TKT: variants seen among roughly 807,000 people sequenced by gnomAD.
The protein encoded by TKT is epididymis luminal protein 107.
A neutral mutation model predicts 63.9 loss-of-function variants in TKT; 47 were observed. That is an observed-to-expected ratio of 0.74 (90% confidence interval 0.58 to 0.94). The LOEUF is 0.94. Ranked by LOEUF, TKT falls within the 40% of genes least tolerant of loss-of-function variation. The pLI is 0.00. For missense variants in TKT, 721 were observed against 846.2 expected (o/e 0.85, Z 1.84); for synonymous variants, 338 against 334.1 (o/e 1.01, Z -0.13).
At chr3:53,238,388 G>T (rs1705128606) in intron 4 of TKT, among the ~76,000 whole-genome samples, 1 of 152,184 alleles carries the variant, frequency 6.6e-6, no homozygotes, top group Non-Finnish European at 1.5e-5. Context: ...CTGCCCCAAG[G>T]CTCACCAAGG....
chr3:53,245,591 C>T (rs566957460), intron 1 of TKT, among the ~76,000 whole-genome samples: 98 of 152,276 alleles, frequency 6.4e-4, no homozygotes, highest in African/African-American at 2.3e-3. Context: ...CAAAGACCAG[C>T]CTGGCCAACA....
chr3:53,225,739 CACACTTCATACCCGCCCT>C lies in TKT; in HGVS notation c.1871_*16del. The C allele has an allele frequency of 2.5e-6, 4 of 1,596,436 alleles. No individual in the cohort carries two copies. The highest frequency in any genetic ancestry group is 3.4e-6 in the Non-Finnish European group (4 of 1,168,134). On this transcript the variant is annotated stop_lost and 3_prime_UTR_variant, in exon 14 of 14. Transcript: ENST00000462138. ...CTCAGGAATGTATAGACCCCCGCCC[CACACTTCATACCCGCCCT>C]AGGCCTTGGTGATGAGGCCCCTCAC...
chr3:53,231,253 G>A, intron 7 of TKT, 104 bp downstream of exon 7: 1 of 1,314,194 alleles, frequency 7.6e-7, no homozygotes, highest in East Asian at 2.3e-5. Flanking sequence ...CGCCCTAAAT[G>A]AATCGCTCTC....
At chr3:53,252,457 C>G (rs997730310) in intron 1 of TKT, among the ~76,000 whole-genome samples, 1 of 152,198 alleles carries the variant, frequency 6.6e-6, no homozygotes, top group Admixed American at 6.5e-5. Context: ...TAAGTTTTCC[C>G]TCCTTTTTTG....
chr3:53,243,363 C>CCAGAGGTCCTTCACACGAAGA (rs1553680305), intron 1 of TKT, among the ~76,000 whole-genome samples: 1 of 151,746 alleles, frequency 6.6e-6, no homozygotes, highest in East Asian at 1.9e-4. Context: ...CTCGCTGCTC[C>CCAGAGGTCCTTCACACGAAGA]CAGAGGTCCT....
intron 4 of TKT, among the ~76,000 whole-genome samples, chr3:53,237,054 G>C (rs1332168443): frequency 1.3e-5 from 2 of 152,206 alleles, no homozygotes; most frequent in Non-Finnish European, 2.9e-5. Context: ...ATGGATTATA[G>C]CATCTCCATA....
At chr3:53,229,937 A>C (rs1704669799) in intron 8 of TKT, among the ~76,000 whole-genome samples, 1 of 152,114 alleles carries the variant, frequency 6.6e-6, no homozygotes. Flanking sequence ...CCAGGAGGGG[A>C]TATTTTGAAA....
intron 1 of TKT, among the ~76,000 whole-genome samples, chr3:53,246,761 G>T (rs1328776119): frequency 6.6e-6 from 1 of 151,530 alleles, no homozygotes; most frequent in Admixed American, 6.6e-5. Context: ...TGAGACAGGA[G>T]AATCGTTTGA....
chr3:53,230,426 T>C lies in TKT; in HGVS notation c.1107+31A>G, dbSNP rs1553676728. 1.9e-6 allele frequency: 3 copies of C among 1,613,848 alleles called. No individual in the cohort carries two copies. The Admixed American group carries it at 5.0e-5, about 27-fold the overall frequency. Reference sequence around the variant, plus strand: ...TCAGACCACAGCCCTCAGCCTTGGGTGGACCTGTCCCTGCCGGCCCCAGCA... The same window carrying C: ...TCAGACCACAGCCCTCAGCCTTGGGCGGACCTGTCCCTGCCGGCCCCAGCA... On this transcript the variant is annotated intron_variant, in intron 8 of 13. Transcript: ENST00000462138.
At chr3:53,245,577 G>T (rs897905251) in intron 1 of TKT, among the ~76,000 whole-genome samples, 1 of 152,034 alleles carries the variant, frequency 6.6e-6, no homozygotes, top group East Asian at 1.9e-4. Context: ...TGAGGTCAGC[G>T]GCTCAAAGAC....
chr3:53,234,467 G>C (rs1241789797), intron 5 of TKT: 2 of 152,450 alleles, frequency 1.3e-5, no homozygotes, highest in Non-Finnish European at 2.9e-5. Context: ...CATGCAGATT[G>C]ACCTCCCTGC....
chr3:53,251,240 G>T (rs1553681613), intron 1 of TKT, among the ~76,000 whole-genome samples: 1 of 152,184 alleles, frequency 6.6e-6, no homozygotes, highest in African/African-American at 2.4e-5. Flanking sequence ...TTTGAATCAG[G>T]CCTGACTGTG....
chr3:53,251,908 G>A (rs1705763815), intron 1 of TKT, among the ~76,000 whole-genome samples: 1 of 152,250 alleles, frequency 6.6e-6, no homozygotes, highest in African/African-American at 2.4e-5. Context: ...GGGAGGCCGA[G>A]GCGGGCGGAT....
rs375344024 is a variant in TKT, at chr3:53,235,058, T to G, written c.554A>C (p.Asn185Thr). 1 of 1,613,896 alleles carries G rather than the reference T, an allele frequency of 6.2e-7. No homozygotes were observed. The highest frequency in any genetic ancestry group is 8.5e-7 in the Non-Finnish European group (1 of 1,180,040). Reference protein sequence around the residue: ...LDNLVAILDINRLGQSDPAPL... With the variant: ...LDNLVAILDITRLGQSDPAPL... ...GGCCGGGTCACTCTGGCCCAGGCGA[T>G]TGATGTCTAGAATGGCCACAAGGTT... Residue 185 changes from asparagine to threonine, a missense_variant, in exon 5 of 14, where the codon AAT becomes ACT. Transcript: ENST00000462138.
intron 4 of TKT, among the ~76,000 whole-genome samples, chr3:53,238,858 C>A (rs1239516072): frequency 1.3e-5 from 2 of 152,198 alleles, no homozygotes; most frequent in Non-Finnish European, 2.9e-5. Context: ...AGGTGGAACC[C>A]AATACAGCAC....
Position 53,231,261 on chromosome 3 carries a change from C to G in TKT, c.942+96G>C, listed in dbSNP as rs1704742203. 3.6e-6 allele frequency: 5 copies of G among 1,402,938 alleles called. No homozygotes were observed. The South Asian group carries it at 5.3e-5, about 15-fold the overall frequency. 86.9% of individuals were successfully genotyped at this position (1,402,938 alleles called of 1,614,324 possible). A position where few individuals can be genotyped will look rare whatever the true frequency, so the allele number is the denominator to read the frequency against. Reference sequence around the variant, plus strand: ...CACTCCTCGCCCTAAATGAATCGCTCTCCTCCCTTTCCCAGCCCTCCAGAG... The same window carrying G: ...CACTCCTCGCCCTAAATGAATCGCTGTCCTCCCTTTCCCAGCCCTCCAGAG... On this transcript the variant is annotated intron_variant, in intron 7 of 13. Coordinates refer to ENST00000462138, the MANE Select transcript of TKT (RefSeq NM_001064.4).
intron 1 of TKT, among the ~76,000 whole-genome samples, chr3:53,253,372 T>C (rs1443764485): frequency 1.3e-5 from 2 of 152,118 alleles, no homozygotes; most frequent in Non-Finnish European, 2.9e-5. Context: ...GTGTGGCATG[T>C]TCAAGGCTCA....
chr3:53,225,758 A>G lies in TKT; in HGVS notation c.1870T>C (p.Ter624GlnextTer45). 1.9e-6 allele frequency: 3 copies of G among 1,611,132 alleles called. No homozygotes were observed. The highest frequency in any genetic ancestry group is 2.5e-6 in the Non-Finnish European group (3 of 1,178,178). Reference sequence around the variant, plus strand: ...CCGCCCCACACTTCATACCCGCCCTAGGCCTTGGTGATGAGGCCCCTCACA... The same window carrying G: ...CCGCCCCACACTTCATACCCGCCCTGGGCCTTGGTGATGAGGCCCCTCACA... ...QAVRGLITKA* is the reference protein window; with the variant it reads ...QAVRGLITKAQ The change falls in exon 14 of 14, where the codon TAG becomes CAG. Residue 624 changes from the stop codon to glutamine (Q), a stop_lost. Coordinates refer to ENST00000462138, the MANE Select transcript of TKT (RefSeq NM_001064.4).
intron 10 of TKT, 51 bp downstream of exon 10, chr3:53,228,956 C>T: frequency 6.2e-7 from 1 of 1,607,434 alleles, no homozygotes; most frequent in African/African-American, 1.3e-5. Flanking sequence ...CTTCTGTTTC[C>T]CTTGGGAAGT....
Sources: allele counts gnomAD v4.1 joint callset (sites outside exome capture counted in the v4.1 genomes callset), GRCh38; gene constraint gnomAD v4.1.1; transcripts MANE v1.5; gene names NCBI Gene and HGNC (gene_info 2026-07-23, HGNC 2026-07-21).